The following PI4KA variants were observed in gnomAD, a reference collection of about 807,000 sequenced individuals.
The protein encoded by PI4KA is phosphatidylinositol 4-kinase alpha, also known as PI4-kinase alpha.
In PI4KA, 122 loss-of-function variants were observed where a neutral mutation model predicts 271.4. That is an observed-to-expected ratio of 0.45 (90% CI 0.39 to 0.52). The LOEUF (loss-of-function observed/expected upper bound fraction) is 0.52. PI4KA is among the 20% of genes least tolerant of loss of function. PI4KA has a pLI of 0.00. For missense variants in PI4KA, 1,969 were observed against 2,769.1 expected (o/e 0.71, Z 6.48); for synonymous variants, 1,041 against 1,078.8 (o/e 0.96, Z 0.69).
intron 19 of PI4KA, chr22:20,773,952 A>C (rs1933040620): frequency 1.3e-5 from 2 of 152,254 alleles, no homozygotes; most frequent in South Asian, 4.1e-4. Flanking sequence ...GAGGAGCTGC[A>C]AGCCACTCTA....
chr22:20,753,253 T>C (rs1351578344), intron 23 of PI4KA, 73 bp from the exon 24 acceptor site: 2 of 1,385,686 alleles, frequency 1.4e-6, no homozygotes, highest in African/African-American at 2.8e-5. Context: ...AATCATTTTC[T>C]TTTGAAATGA....
intron 1 of PI4KA, among the ~76,000 whole-genome samples, chr22:20,854,722 G>T (rs938798902): frequency 2.0e-5 from 3 of 151,818 alleles, no homozygotes; most frequent in African/African-American, 4.8e-5. Context: ...AGAAAGAAGA[G>T]AAAAAAATAG....
chr22:20,818,100 G>A lies in PI4KA; in HGVS notation c.856+383C>T, dbSNP rs373394315. ...AGACTACACCACTGCGCTCCAACCT[G>A]GGCAACAGAGCCAGACTCTATCTCA... On this transcript the variant is annotated intron_variant, in intron 7 of 54. Coordinates refer to ENST00000255882, the MANE Select transcript of PI4KA (RefSeq NM_058004.4). Among the ~76,000 whole-genome samples the A allele has an allele frequency of 5.9e-5, 9 of 152,164 alleles. No homozygotes were observed. In the East Asian group the frequency reaches 1.7e-3, roughly 29 times the overall value.
chr22:20,723,931 C>T (rs1382239458), intron 42 of PI4KA, among the ~76,000 whole-genome samples: 2 of 151,818 alleles, frequency 1.3e-5, no homozygotes, highest in African/African-American at 4.8e-5. Context: ...CTCTGCCTCC[C>T]GGGTTCATGC....
chr22:20,715,951 T>C (rs550224130), intron 45 of PI4KA, among the ~76,000 whole-genome samples: 1 of 152,236 alleles, frequency 6.6e-6, no homozygotes, highest in Admixed American at 6.5e-5. Flanking sequence ...AGTGCAGTGG[T>C]GCAATCTCGG....
At chr22:20,735,617 C>T (rs1928617236) in intron 32 of PI4KA, among the ~76,000 whole-genome samples, 1 of 152,120 alleles carries the variant, frequency 6.6e-6, no homozygotes, top group South Asian at 2.1e-4. Flanking sequence ...TGGCCTCTGC[C>T]TTTTGCACTC....
At chr22:20,721,483 A>C in intron 42 of PI4KA, 65 bp from the exon 43 acceptor site, 2 of 1,572,812 alleles carry the variant, frequency 1.3e-6, no homozygotes, top group African/African-American at 2.7e-5. Context: ...CCTTGTCAGC[A>C]GCTGCTGACT....
intron 17 of PI4KA, 23 bp downstream of exon 17, chr22:20,798,561 A>C (rs1480593785): frequency 1.5e-6 from 2 of 1,343,780 alleles, no homozygotes; most frequent in Non-Finnish European, 2.1e-6. Flanking sequence ...CATGATAAAA[A>C]AGTGACAATG....
intron 10 of PI4KA, among the ~76,000 whole-genome samples, chr22:20,806,325 G>C (rs1028689152): frequency 6.6e-6 from 1 of 152,110 alleles, no homozygotes; most frequent in East Asian, 1.9e-4. Context: ...ATTCATGAAA[G>C]AGGGACTAGA....
chr22:20,709,771 A>G (rs28754290), intron 53 of PI4KA, 137 bp downstream of exon 53: 29,635 of 424,650 alleles, frequency 0.07, 7,386 homozygotes, highest in Admixed American at 0.14. Context: ...GCCTCACCCA[A>G]GAACCCTGTC....
chr22:20,794,208 C>T (rs754556140), intron 18 of PI4KA, among the ~76,000 whole-genome samples: 4 of 152,212 alleles, frequency 2.6e-5, no homozygotes, highest in Non-Finnish European at 4.4e-5. Flanking sequence ...CTAAGGGATG[C>T]GTGATGATGG....
At chr22:20,821,752 T>C (rs1016290033) in intron 4 of PI4KA, among the ~76,000 whole-genome samples, 16 of 151,448 alleles carry the variant, frequency 1.1e-4, no homozygotes, top group Non-Finnish European at 1.9e-4. Flanking sequence ...CCACCACGCC[T>C]GGCTAATTTT....
At chr22:20,712,031 T>TG (rs1394944001) in intron 50 of PI4KA, among the ~76,000 whole-genome samples, 19 of 146,864 alleles carry the variant, frequency 1.3e-4, no homozygotes, top group Non-Finnish European at 9.0e-5. Flanking sequence ...GCGTGAGCAC[T>TG]GCGCCCGGCC....
At chr22:20,726,095 G>C (rs1927314452) in intron 42 of PI4KA, among the ~76,000 whole-genome samples, 1 of 152,168 alleles carries the variant, frequency 6.6e-6, no homozygotes, top group African/African-American at 2.4e-5. Context: ...CCCAGTCTGT[G>C]GTGCTTCGCT....
At chr22:20,850,666 T>C (rs563955326) in intron 1 of PI4KA, among the ~76,000 whole-genome samples, 1 of 151,864 alleles carries the variant, frequency 6.6e-6, no homozygotes, top group Non-Finnish European at 1.5e-5. Flanking sequence ...CTGGATTTCC[T>C]GACCTCGTGA....
intron 10 of PI4KA, among the ~76,000 whole-genome samples, chr22:20,807,118 A>C (rs1935698436): frequency 1.3e-5 from 2 of 152,262 alleles, no homozygotes; most frequent in South Asian, 4.1e-4. Context: ...CATTTTAGAT[A>C]AACACCTTAG....
chr22:20,761,436 T>A (rs375057365), intron 22 of PI4KA, 50 bp from the exon 23 acceptor site: 32 of 1,105,534 alleles, frequency 2.9e-5, no homozygotes, highest in Non-Finnish European at 4.2e-5. Flanking sequence ...GGGCCCTCCC[T>A]ATCACAGATT....
intron 22 of PI4KA, among the ~76,000 whole-genome samples, chr22:20,762,745 A>AAAAGACT (rs1242803402): frequency 6.6e-6 from 1 of 152,314 alleles, no homozygotes; most frequent in Non-Finnish European, 1.5e-5. Flanking sequence ...TTGTTTAGAA[A>AAAAGACT]AAAGACTACA....
chr22:20,718,115 G>A (rs1372333584), intron 44 of PI4KA, among the ~76,000 whole-genome samples: 1 of 152,196 alleles, frequency 6.6e-6, no homozygotes, highest in African/African-American at 2.4e-5. Flanking sequence ...GAAGCTGCCA[G>A]CACTGCTATT....
Sources: gnomAD v4.1 joint callset for allele counts (sites outside exome capture counted in the v4.1 genomes callset) on GRCh38, gnomAD v4.1.1 for gene constraint, MANE v1.5 for transcripts, NCBI Gene and HGNC (gene_info 2026-07-23, HGNC 2026-07-21) for gene names.